XKR9: variants seen among roughly 807,000 people sequenced by gnomAD.
The protein encoded by XKR9 is XK related 9, also known as XK-related protein 9.
In XKR9, 32 loss-of-function variants were observed where a neutral mutation model predicts 32.0. The observed-to-expected ratio is 1.00, with a 90% CI of 0.76 to 1.34. The LOEUF (loss-of-function observed/expected upper bound fraction) is 1.34. Ranked by LOEUF, XKR9 falls within the 40% of genes most tolerant of loss-of-function variation. The pLI is 0.00. For synonymous variants in XKR9, 168 were observed against 143.4 expected, an observed-to-expected ratio of 1.17 and a Z score of -1.22; for missense variants, 546 against 429.7, an observed-to-expected ratio of 1.27 and a Z score of -2.39.
chr8:70,675,315 A>G (rs1240797451), intron 2 of XKR9, among the ~76,000 whole-genome samples: 1 of 152,178 alleles, frequency 6.6e-6, no homozygotes, highest in Non-Finnish European at 1.5e-5. Flanking sequence ...AGTCCCAGCT[A>G]CTTGGAGAGG....
intron 2 of XKR9, chr8:70,780,864 C>T (rs1347453496): frequency 2.0e-5 from 3 of 151,874 alleles, no homozygotes; most frequent in Non-Finnish European, 4.4e-5. Flanking sequence ...TCCTCACCAA[C>T]AATTGGTTTC....
intron 4 of XKR9, among the ~76,000 whole-genome samples, chr8:70,725,820 C>G (rs1806448621): frequency 6.6e-6 from 1 of 152,076 alleles, no homozygotes; most frequent in African/African-American, 2.4e-5. Flanking sequence ...GCAGGAGAGT[C>G]AATTGAACCC....
At chr8:70,968,160 G>C in the XKR9 span, among the ~76,000 whole-genome samples, 2 of 151,936 alleles carry the variant, frequency 1.3e-5, no homozygotes, top group Admixed American at 1.3e-4. Context: ...CTCTATTCTT[G>C]TCTGCCTGTC....
chr8:70,897,308 CA>C, the XKR9 span, among the ~76,000 whole-genome samples: 51 of 152,226 alleles, frequency 3.4e-4, no homozygotes, highest in African/African-American at 1.2e-3. Flanking sequence ...AGGTTGCTTC[CA>C]AAACTTGACT....
chr8:71,019,291 T>C, the XKR9 span, among the ~76,000 whole-genome samples: 3 of 152,188 alleles, frequency 2.0e-5, no homozygotes, highest in Non-Finnish European at 2.9e-5. Flanking sequence ...GTTGTGCTTA[T>C]TCAAGAGACA....
At chr8:70,746,558 G>A (rs976112809) in intron 2 of XKR9, among the ~76,000 whole-genome samples, 10 of 151,250 alleles carry the variant, frequency 6.6e-5, no homozygotes, top group African/African-American at 2.4e-4. Context: ...TGCTTTGATG[G>A]TAGGAAAGGA....
At chr8:70,769,948 T>C (rs1807431530) in intron 2 of XKR9, among the ~76,000 whole-genome samples, 1 of 152,104 alleles carries the variant, frequency 6.6e-6, no homozygotes, top group Admixed American at 6.5e-5. Context: ...TGTCAATTCG[T>C]CAAACTCATT....
chr8:70,738,355 T>C (rs560106711), downstream of XKR9, among the ~76,000 whole-genome samples: 16 of 147,720 alleles, frequency 1.1e-4, 1 homozygote, highest in South Asian at 2.6e-3. Context: ...TTGATTCTTT[T>C]CTCTTTTCTT....
At chr8:70,671,902 A>G (rs1190044978) in intron 1 of XKR9, among the ~76,000 whole-genome samples, 1 of 86,846 alleles carries the variant, frequency 1.2e-5, no homozygotes, top group Non-Finnish European at 2.9e-5. Flanking sequence ...TACAAAAATC[A>G]CAAGCATTCT....
the XKR9 span, among the ~76,000 whole-genome samples, chr8:70,918,768 CTTTTTT>C: frequency 1.6e-5 from 1 of 64,150 alleles, no homozygotes; most frequent in Non-Finnish European, 3.0e-5. Flanking sequence ...TCATGGGATC[CTTTTTT>C]TTTTTTTTTT....
the XKR9 span, among the ~76,000 whole-genome samples, chr8:70,932,097 G>T: frequency 6.6e-6 from 1 of 152,050 alleles, no homozygotes; most frequent in African/African-American, 2.4e-5. Context: ...GCAAATTATT[G>T]TGTTAAGCAT....
the XKR9 span, among the ~76,000 whole-genome samples, chr8:70,850,602 T>C: frequency 6.6e-6 from 1 of 152,072 alleles, no homozygotes; most frequent in South Asian, 2.1e-4. Context: ...ATCAAGTTGG[T>C]TTTGTCCCTG....
intron 3 of XKR9, among the ~76,000 whole-genome samples, chr8:70,688,856 TAGC>T (rs1283789154): frequency 2.6e-5 from 4 of 152,128 alleles, no homozygotes; most frequent in Admixed American, 6.6e-5. Context: ...AGATACCAGA[TAGC>T]AGGATAAATT....
the XKR9 span, among the ~76,000 whole-genome samples, chr8:70,951,130 G>C: frequency 6.6e-6 from 1 of 152,214 alleles, no homozygotes; most frequent in Non-Finnish European, 1.5e-5. Flanking sequence ...CCAGGCTCAG[G>C]AGAAAGGGCC....
the XKR9 span, among the ~76,000 whole-genome samples, chr8:71,055,714 C>CA: frequency 1.1e-3 from 170 of 151,288 alleles, no homozygotes; most frequent in Admixed American, 5.5e-3. Flanking sequence ...ATTGAAAAGT[C>CA]AAAAAAAATA....
the XKR9 span, among the ~76,000 whole-genome samples, chr8:70,838,156 A>G: frequency 6.6e-6 from 1 of 152,098 alleles, no homozygotes; most frequent in African/African-American, 2.4e-5. Context: ...ATTGTTGAAT[A>G]TATTCTTAAA....
At chr8:71,030,221 GT>G in the XKR9 span, among the ~76,000 whole-genome samples, 1 of 152,074 alleles carries the variant, frequency 6.6e-6, no homozygotes, top group Non-Finnish European at 1.5e-5. Flanking sequence ...ACCAGCTTGG[GT>G]TTTCTCAACT....
the XKR9 span, among the ~76,000 whole-genome samples, chr8:70,815,455 A>G: frequency 1.3e-5 from 2 of 152,100 alleles, no homozygotes; most frequent in Non-Finnish European, 2.9e-5. Flanking sequence ...TAGTTTGCTA[A>G]GGATAATGGC....
the XKR9 span, among the ~76,000 whole-genome samples, chr8:71,013,460 T>TG: frequency 6.6e-6 from 1 of 152,106 alleles, no homozygotes; most frequent in East Asian, 1.9e-4. Flanking sequence ...AGCCCCACAG[T>TG]GGGGAAGATG....
Sources: gnomAD v4.1 joint callset for allele counts (sites outside exome capture counted in the v4.1 genomes callset) on GRCh38, gnomAD v4.1.1 for gene constraint, MANE v1.5 for transcripts, NCBI Gene and HGNC (gene_info 2026-07-23, HGNC 2026-07-21) for gene names.